Variants in SH2D5 observed in about 807,000 individuals in gnomAD.
The protein encoded by SH2D5 is SH2 domain-containing protein 5.
SH2D5 carries 45 observed loss-of-function variants against 48.2 expected under a neutral mutation model. The observed-to-expected ratio is 0.93, with a 90% CI of 0.73 to 1.20. The LOEUF (loss-of-function observed/expected upper bound fraction) is 1.20, where lower values mean the gene tolerates loss of function less well. Ranked by LOEUF, SH2D5 falls within the 50% of genes most tolerant of loss-of-function variation. The probability of loss-of-function intolerance (pLI) is 0.00; values close to 1 mark genes in which losing one functional copy is unlikely to be tolerated. For synonymous variants in SH2D5, 230 were observed against 249.8 expected (o/e 0.92, Z 0.75); for missense variants, 538 against 584.1 (o/e 0.92, Z 0.81).
At position 20,720,756 on chromosome 1, in the gene SH2D5, C is replaced by T. The variant is rs1050751187; in HGVS notation, c.*1036G>A. On this transcript the variant is annotated 3_prime_UTR_variant, in exon 10 of 10. Transcript: ENST00000444387. ...CAGGGCCCACATCAGGTCCACCTTT[C>T]GACGGTTCTGCTGTGACTGACCCCA... The T allele has an allele frequency of 3.3e-5, 5 of 152,188 alleles. No individual in the cohort carries two copies. The highest frequency in any genetic ancestry group is 4.4e-5 in the Non-Finnish European group (3 of 68,048). 9.4% of individuals were successfully genotyped at this position (152,188 alleles called of 1,614,324 possible).
chr1:20,728,320 T>C lies in SH2D5; in HGVS notation c.-42-234A>G, dbSNP rs549594971. ...AAAGACATTGAACTAAATAGTAAGA[T>C]AGATCATACGTGAGATGGGGATGGA... On this transcript the variant is annotated intron_variant, in intron 1 of 9. Coordinates refer to ENST00000444387, the MANE Select transcript of SH2D5 (RefSeq NM_001103161.2). This position sits in a 1 kb window ranked among gnomAD's most constrained non-coding sequence, Gnocchi z 4.3. Among the ~76,000 whole-genome samples the C allele has an allele frequency of 2.2e-4, 34 of 152,264 alleles. No homozygotes were observed. The highest frequency in any genetic ancestry group is 4.4e-4 in the Non-Finnish European group (30 of 68,016).
chr1:20,727,468 C>A, intron 3 of SH2D5, 55 bp downstream of exon 3: 1 of 1,484,580 alleles, frequency 6.7e-7, no homozygotes, highest in Non-Finnish European at 9.2e-7. Context: ...TAGGGGGTTA[C>A]CTGGTCTTCA....
At chr1:20,731,606 C>CGG (rs2054911264) in intron 1 of SH2D5, 1 of 151,914 alleles carries the variant, frequency 6.6e-6, no homozygotes, top group African/African-American at 2.4e-5. Flanking sequence ...AAGAGAACAG[C>CGG]GGGGTGAGGA....
Position 20,724,511 on chromosome 1 carries a change from A to G in SH2D5, c.515T>C (p.Leu172Pro). 1.2e-6 allele frequency: 2 copies of G among 1,612,130 alleles called. No individual in the cohort carries two copies. Among genetic ancestry groups the G allele is most frequent in the Non-Finnish European group, 1.7e-6 (2 of 1,179,608 alleles). The change falls in exon 6 of 10, where the codon CTG (leucine) becomes CCG (proline). Residue 172 changes from leucine to proline, a missense_variant. By Grantham distance (98) the Leu-to-Pro change is moderately conservative. Transcript: ENST00000444387. The part of the protein sequence containing the change: ...GPTGEVPLKP[L>P]SSSGGLVREP... ...CCGCACCAGGCCCCCAGAGCTGGAC[A>G]GTGGCTTCAGGGGCACCTCCCCTGT...
In SH2D5 at chr1:20,724,209, G is replaced by C. The variant is rs779451185; in HGVS notation, c.673C>G (p.Leu225Val). 12 of 1,612,824 alleles carry C rather than the reference G, an allele frequency of 7.4e-6. No individual in the cohort carries two copies. Among genetic ancestry groups the C allele is most frequent in the Non-Finnish European group, 1.0e-5 (12 of 1,179,964 alleles). The change falls in exon 7 of 10, where the codon CTG (leucine) becomes GTG (valine). Residue 225 changes from leucine (L) to valine (V), a missense_variant. Physicochemically the swap from Leu to Val is conservative, Grantham distance 32. Transcript: ENST00000444387. ...GTGGGCGAGCAGTAGGGATTCCCCA[G>C]GCGGGCATGGCGGGCACGGCCTTCC... ...ESEGRARHAR[L>V]GNPYCSPTLV... is the part of the protein sequence containing the mutation.
At position 20,723,648 on chromosome 1, in the gene SH2D5, A is replaced by G; in HGVS notation, c.886T>C (p.Trp296Arg). The part of the protein sequence containing the change: ...ESEGSLTENI[W>R]AFAGISRPCA... ...TACCTGGAGATGCCAGCGAAGGCCC[A>G]GATGTTCTCCGTCAGGCTGCCCTCG... is the stretch of plus-strand genomic sequence containing the variant. Residue 296 changes from tryptophan (W) to arginine (R), a missense_variant, in exon 8 of 10, where the codon TGG (tryptophan) becomes CGG (arginine). Transcript: ENST00000444387. 1 of 1,612,886 alleles carries G rather than the reference A, an allele frequency of 6.2e-7. No homozygotes were observed. Among genetic ancestry groups the G allele is most frequent in the Non-Finnish European group, 8.5e-7 (1 of 1,179,900 alleles).
rs1476320140 is a variant in SH2D5, at chr1:20,721,940, G to C, written c.1124C>G (p.Thr375Ser). ...LEALVENHAV[T>S]ERSLFCPLDM... is the part of the protein sequence containing the mutation. ...GAGGGGACAGAAGAGGCTACGTTCA[G>C]TAACCGCGTGGTTCTCCACCAGAGC... Residue 375 changes from threonine (T) to serine (S), a missense_variant, in exon 10 of 10, where the codon ACT becomes AGT. Transcript: ENST00000444387. 6.8e-6 allele frequency: 11 copies of C among 1,613,062 alleles called. No individual in the cohort carries two copies.
intron 8 of SH2D5, 54 bp from the exon 9 acceptor site, chr1:20,722,969 T>C: frequency 7.0e-7 from 1 of 1,430,058 alleles, no homozygotes; most frequent in African/African-American, 1.4e-5. Context: ...TGGGCAATGG[T>C]CATGAGGACC....
chr1:20,724,452 C>A lies in SH2D5; in HGVS notation c.574G>T (p.Val192Phe), dbSNP rs201935883. 22 of 1,612,976 alleles carry A rather than the reference C, an allele frequency of 1.4e-5. No homozygotes were observed. In the Admixed American group the frequency reaches 3.5e-4, roughly 26 times the overall value. ...CGCCGAAAGGAGACCAGGGCATGGA[C>A]GTTCTGAGAGAGCTGATCACGGCCG... ...PFGRDQLSQN[V>F]HALVSFRRLP... is the part of the protein sequence containing the mutation. The change falls in exon 6 of 10, where the codon GTC (valine) becomes TTC (phenylalanine). Residue 192 changes from valine (V) to phenylalanine (F), a missense_variant. Physicochemically the swap from Val to Phe is conservative, Grantham distance 50. Transcript: ENST00000444387.
intron 4 of SH2D5, 83 bp from the exon 5 acceptor site, chr1:20,726,149 C>T (rs2054795451): frequency 6.8e-7 from 1 of 1,462,018 alleles, no homozygotes; most frequent in Non-Finnish European, 9.1e-7. Flanking sequence ...GGTGAAGAAA[C>T]CCTCCCTCCT....
rs1328507273 is a variant in SH2D5, at chr1:20,721,130, T to G, written c.*662A>C. On this transcript the variant is annotated 3_prime_UTR_variant, in exon 10 of 10. Transcript: ENST00000444387. ...GGCCCTGTCTGCTGGTGCGCATCCC[T>G]TTCTGCACACAGGAGTCCACCGTGC... is the stretch of plus-strand genomic sequence containing the variant. 1.3e-5 allele frequency: 2 copies of G among 153,804 alleles called. No individual in the cohort carries two copies. The highest frequency in any genetic ancestry group is 2.9e-5 in the Non-Finnish European group (2 of 68,436). 9.5% of individuals were successfully genotyped at this position (153,804 alleles called of 1,614,324 possible). A position where few individuals can be genotyped will look rare whatever the true frequency, so the allele number is the denominator to read the frequency against.
rs1270056124 is a variant in SH2D5, at chr1:20,727,596, C to T, written c.95G>A (p.Gly32Asp). The change falls in exon 3 of 10, where the codon GGC becomes GAC. Residue 32 changes from glycine (G) to aspartate (D), a missense_variant. Transcript: ENST00000444387. ...GTCCAGGTCATCCACAGGGAAGGAG[C>T]CCACGTACTGCTCGGCAGTGGGGTG... Reference protein sequence around the residue: ...RCITKFAQYVGSFPVDDLDTQ... With the variant: ...RCITKFAQYVDSFPVDDLDTQ... 1.2e-6 allele frequency: 2 copies of T among 1,609,132 alleles called. No homozygotes were observed. Among genetic ancestry groups the T allele is most frequent in the Non-Finnish European group, 1.7e-6 (2 of 1,178,314 alleles).
At position 20,728,119 on chromosome 1, in the gene SH2D5, G is replaced by A. The variant is rs1255590119; in HGVS notation, c.-42-33C>T. 2.1e-5 allele frequency: 23 copies of A among 1,097,098 alleles called. No homozygotes were observed. The highest frequency in any genetic ancestry group is 6.5e-5 in the Admixed American group (3 of 46,056). The allele number at this position is 1,097,098 out of a possible 1,614,324, so 68.0% of individuals were successfully genotyped here. A position where few individuals can be genotyped will look rare whatever the true frequency, so the allele number is the denominator to read the frequency against. On this transcript the variant is annotated intron_variant, in intron 1 of 9. Coordinates refer to ENST00000444387, the MANE Select transcript of SH2D5 (RefSeq NM_001103161.2). This position sits in a 1 kb window ranked among gnomAD's most constrained non-coding sequence, Gnocchi z 4.3. ...GGGCAGGGGGGGAAGGGCTGCTTTC[G>A]AGGCAGGCAAGCCACAGAGTGCCCC...
At chr1:20,727,171 A>G in intron 3 of SH2D5, 96 bp from the exon 4 acceptor site, 2 of 1,036,604 alleles carry the variant, frequency 1.9e-6, no homozygotes, top group Non-Finnish European at 2.8e-6. Flanking sequence ...TGGTCAGCCC[A>G]CTCCACCACC....
chr1:20,720,193 C>G lies in SH2D5; in HGVS notation c.*1599G>C, dbSNP rs1026513572. 7.9e-5 allele frequency: 12 copies of G among 152,384 alleles called. No homozygotes were observed. The highest frequency in any genetic ancestry group is 4.6e-4 in the Admixed American group (7 of 15,310). The allele number at this position is 152,384 out of a possible 1,614,324, so 9.4% of individuals were successfully genotyped here. The stretch of plus-strand genomic sequence containing the variant: ...GGCTCCAGTACAGATGGCTGTAAAA[C>G]AGAGTCCCAGCTTCCCACTCACTCA... On this transcript the variant is annotated 3_prime_UTR_variant, in exon 10 of 10. Coordinates refer to ENST00000444387, the MANE Select transcript of SH2D5 (RefSeq NM_001103161.2).
At position 20,729,032 on chromosome 1, in the gene SH2D5, G is replaced by A. The variant is rs985658552; in HGVS notation, c.-42-946C>T. ...TGGGGGCTGAGGACCACCCCCCACC[G>A]TCCAGCCCAGCCAGGTTCTGGTCTT... is the stretch of plus-strand genomic sequence containing the variant. On this transcript the variant is annotated intron_variant, in intron 1 of 9. Transcript: ENST00000444387. The surrounding 1 kb of genome is among the most constrained non-coding windows in gnomAD (Gnocchi z 4.2). 1.1e-4 allele frequency among the ~76,000 whole-genome samples: 16 copies of A among 152,106 alleles called. No individual in the cohort carries two copies. The highest frequency in any genetic ancestry group is 3.9e-4 in the African/African-American group (16 of 41,410).
intron 1 of SH2D5, among the ~76,000 whole-genome samples, chr1:20,730,311 G>GC (rs1051690707): frequency 1.4e-4 from 4 of 27,684 alleles, no homozygotes; most frequent in Non-Finnish European, 2.7e-4. Context: ...CTGCTCGGGG[G>GC]GGGGGGGGAC....
rs2054836029 is a variant in SH2D5 at position 20,727,994 on chromosome 1, G to A, written c.51C>T (p.Ala17=). 6.4e-7 allele frequency: 1 copy of A among 1,570,948 alleles called. No individual in the cohort carries two copies. Among genetic ancestry groups the A allele is most frequent in the South Asian group, 1.2e-5 (1 of 85,554 alleles). ...TGGTGATGCACCTGGGCCGGTGAGG[G>A]GCCAGCCCGCAGTCAGAGGCCCTGC... ...GGRRASDCGL[A]PHRPRCITKF... Residue 17 remains alanine (A), a synonymous_variant, in exon 2 of 10, where the codon GCC becomes GCT. Coordinates refer to ENST00000444387, the MANE Select transcript of SH2D5 (RefSeq NM_001103161.2).
intron 1 of SH2D5, among the ~76,000 whole-genome samples, chr1:20,730,580 C>T (rs905473988): frequency 2.0e-5 from 3 of 151,970 alleles, no homozygotes; most frequent in African/African-American, 7.3e-5. Flanking sequence ...CTGGAAGTTC[C>T]TCCCTCCTTC....
Sources: gnomAD v4.1 joint callset for allele counts (sites outside exome capture counted in the v4.1 genomes callset) on GRCh38, gnomAD v4.1.1 for gene constraint, Gnocchi (gnomAD v3.1) non-coding constraint, MANE v1.5 for transcripts, NCBI Gene and HGNC (gene_info 2026-07-23, HGNC 2026-07-21) for gene names.